EIF4H: variants seen among roughly 807,000 people sequenced by gnomAD.
EIF4H encodes Williams-Beuren syndrome chromosome region 1.
EIF4H carries 8 observed loss-of-function variants against 30.6 expected under a neutral mutation model. The observed-to-expected ratio is 0.26, with a 90% CI of 0.15 to 0.47. EIF4H has a LOEUF of 0.47. EIF4H is among the 20% of genes least tolerant of loss of function. The pLI is 0.99. For synonymous variants in EIF4H, 106 were observed against 122.7 expected, an observed-to-expected ratio of 0.86 and a Z score of 0.90; for missense variants, 188 against 339.5, an observed-to-expected ratio of 0.55 and a Z score of 3.51.
chr7:74,194,433 T>C (rs147970545), intron 5 of EIF4H, among the ~76,000 whole-genome samples: 25 of 152,382 alleles, frequency 1.6e-4, no homozygotes, highest in Non-Finnish European at 3.4e-4. Flanking sequence ...GCTTAAGCCG[T>C]ATTAAAATAC....
chr7:74,195,045 G>C (rs568922411), intron 6 of EIF4H, 124 bp from the exon 7 acceptor site: 1 of 1,525,042 alleles, frequency 6.6e-7, no homozygotes, highest in South Asian at 1.3e-5. Context: ...ATCTGCTGTT[G>C]GGGTAGCAGG....
chr7:74,177,001 C>T (rs1554707768), intron 1 of EIF4H, among the ~76,000 whole-genome samples: 1 of 152,166 alleles, frequency 6.6e-6, no homozygotes, highest in Non-Finnish European at 1.5e-5. Flanking sequence ...ACCACCGATC[C>T]TGAGAATTAG....
At chr7:74,190,051 C>T (rs1379060403) in intron 4 of EIF4H, 133 bp downstream of exon 4, 15 of 1,213,822 alleles carry the variant, frequency 1.2e-5, no homozygotes, top group Middle Eastern at 1.9e-4. Context: ...TAAAAGTTTG[C>T]GTAAAATCCT....
intron 1 of EIF4H, among the ~76,000 whole-genome samples, chr7:74,183,000 T>G (rs1157139392): frequency 2.0e-5 from 3 of 152,270 alleles, no homozygotes; most frequent in South Asian, 2.1e-4. Context: ...GCTTGTGACG[T>G]GATTTCTCCT....
At chr7:74,184,312 T>C (rs1482064197) in intron 1 of EIF4H, among the ~76,000 whole-genome samples, 5 of 152,190 alleles carry the variant, frequency 3.3e-5, no homozygotes, top group Admixed American at 3.3e-4. Context: ...CCACAGTTCC[T>C]CTACTCTGTA....
At chr7:74,176,560 C>T (rs531648490) in intron 1 of EIF4H, among the ~76,000 whole-genome samples, 3 of 152,308 alleles carry the variant, frequency 2.0e-5, no homozygotes, top group African/African-American at 7.2e-5. Context: ...CAGACAGGCT[C>T]GTACATCTCA....
At chr7:74,180,708 C>T (rs1800940390) in intron 1 of EIF4H, among the ~76,000 whole-genome samples, 2 of 152,190 alleles carry the variant, frequency 1.3e-5, no homozygotes, top group African/African-American at 4.8e-5. Flanking sequence ...GAAACTTCAT[C>T]TTAGGAGGAA....
chr7:74,189,356 C>A (rs1554709567), intron 2 of EIF4H, among the ~76,000 whole-genome samples: 2 of 152,220 alleles, frequency 1.3e-5, no homozygotes. Flanking sequence ...ATTAAATAGT[C>A]ATTCAGAAGT....
In EIF4H at chr7:74,195,629, T is replaced by C; in HGVS notation, c.*321T>C. On this transcript the variant is annotated 3_prime_UTR_variant, in exon 7 of 7. Transcript: ENST00000265753. The stretch of plus-strand genomic sequence containing the variant: ...CTCGGAGGAGCAGAGGTGGCCGCCG[T>C]GGGGGGGCGTTTGGGCTGCGGTGCT... The C allele has an allele frequency of 4.2e-6, 1 of 237,372 alleles. No homozygotes were observed. The highest frequency in any genetic ancestry group is 8.2e-6 in the Non-Finnish European group (1 of 121,570). The allele number at this position is 237,372 out of a possible 1,614,324, so 14.7% of individuals were successfully genotyped here. A position where few individuals can be genotyped will look rare whatever the true frequency, so the allele number is the denominator to read the frequency against.
intron 1 of EIF4H, among the ~76,000 whole-genome samples, chr7:74,182,296 G>T (rs964529030): frequency 2.6e-5 from 4 of 152,086 alleles, no homozygotes; most frequent in Non-Finnish European, 5.9e-5. Flanking sequence ...TAGTATAAAT[G>T]GTATTTATCA....
chr7:74,179,397 C>T (rs1303133138), intron 1 of EIF4H, among the ~76,000 whole-genome samples: 1 of 152,104 alleles, frequency 6.6e-6, no homozygotes, highest in Non-Finnish European at 1.5e-5. Context: ...TTTGGGAGGC[C>T]AAGGCGGGCG....
chr7:74,174,582 CCGGGGCCTGGAAATGGCGCGCTCGGAGA>C, intron 1 of EIF4H, 140 bp downstream of exon 1: 1 of 805,786 alleles, frequency 1.2e-6, no homozygotes, highest in Non-Finnish European at 1.6e-6. Flanking sequence ...GCCTGGAGGG[CCGGGGCCTGGAAATGGCGCGCTCGGAGA>C]CGGGGCGGCG....
At chr7:74,185,126 G>A (rs1554709018) in intron 1 of EIF4H, among the ~76,000 whole-genome samples, 1 of 151,810 alleles carries the variant, frequency 6.6e-6, no homozygotes, top group East Asian at 1.9e-4. Context: ...AGGTAGCTTG[G>A]GACTACAAGT....
Position 74,195,336 on chromosome 7 carries a change from G to A in EIF4H, c.*28G>A. ...CTGCGGTTGGGAGGGAATGGGGCGTGGGGGGTTAGAGCAGGACCACAGCCT... is the reference window on the plus strand; with the variant it reads ...CTGCGGTTGGGAGGGAATGGGGCGTAGGGGGTTAGAGCAGGACCACAGCCT... On this transcript the variant is annotated 3_prime_UTR_variant, in exon 7 of 7. Coordinates refer to ENST00000265753, the MANE Select transcript of EIF4H (RefSeq NM_022170.2). 1.9e-6 allele frequency: 3 copies of A among 1,606,238 alleles called. No individual in the cohort carries two copies. The highest frequency in any genetic ancestry group is 2.6e-6 in the Non-Finnish European group (3 of 1,175,896).
At chr7:74,176,452 G>C (rs1422463090) in intron 1 of EIF4H, among the ~76,000 whole-genome samples, 1 of 152,110 alleles carries the variant, frequency 6.6e-6, no homozygotes, top group African/African-American at 2.4e-5. Context: ...GCTTTACAAT[G>C]CTTAAGCATC....
chr7:74,190,230 T>G lies in EIF4H; in HGVS notation c.410-17T>G. On this transcript the variant is annotated splice_polypyrimidine_tract_variant and intron_variant, in intron 4 of 6. Transcript: ENST00000265753. The stretch of plus-strand genomic sequence containing the variant: ...TAATGACACGACCTCAACTTTATCT[T>G]TTTTGTGTATCCTCAGGAATGGGTA... The G allele has an allele frequency of 6.2e-7, 1 of 1,613,570 alleles. No individual in the cohort carries two copies. Among genetic ancestry groups the G allele is most frequent in the African/African-American group, 1.3e-5 (1 of 75,056 alleles).
At chr7:74,177,965 G>A (rs907543368) in intron 1 of EIF4H, among the ~76,000 whole-genome samples, 21 of 152,200 alleles carry the variant, frequency 1.4e-4, no homozygotes, top group Middle Eastern at 3.4e-3. Flanking sequence ...TTATGAAATA[G>A]GCTCTCCTTC....
In EIF4H at chr7:74,195,333, C is replaced by T. The variant is rs782406670; in HGVS notation, c.*25C>T. The T allele has an allele frequency of 6.2e-6, 10 of 1,607,604 alleles. No individual in the cohort carries two copies. The highest frequency in any genetic ancestry group is 2.2e-5 in the South Asian group (2 of 90,448). On this transcript the variant is annotated 3_prime_UTR_variant, in exon 7 of 7. Coordinates refer to ENST00000265753, the MANE Select transcript of EIF4H (RefSeq NM_022170.2). ...AGCCTGCGGTTGGGAGGGAATGGGG[C>T]GTGGGGGGTTAGAGCAGGACCACAG...
chr7:74,190,945 G>T (rs1462729204), intron 5 of EIF4H, among the ~76,000 whole-genome samples: 1 of 152,146 alleles, frequency 6.6e-6, no homozygotes, highest in Non-Finnish European at 1.5e-5. Flanking sequence ...AAAAACTTCA[G>T]TTGTAACCCA....
Sources: gnomAD v4.1 joint callset for allele counts (sites outside exome capture counted in the v4.1 genomes callset) on GRCh38, gnomAD v4.1.1 for gene constraint, MANE v1.5 for transcripts, NCBI Gene and HGNC (gene_info 2026-07-23, HGNC 2026-07-21) for gene names.